STK17A: variants seen among roughly 807,000 people sequenced by gnomAD.
STK17A encodes serine/threonine kinase 17a, also known as serine/threonine-protein kinase 17A.
Under a neutral mutation model 43.7 loss-of-function variants are expected in STK17A, and 26 were observed. The observed-to-expected ratio is 0.60, with a 90% confidence interval of 0.44 to 0.83. The LOEUF (loss-of-function observed/expected upper bound fraction) is 0.83. Ranked by LOEUF, STK17A falls within the 40% of genes least tolerant of loss-of-function variation. The pLI, the probability that STK17A is intolerant of heterozygous loss-of-function variation, is 0.00. For synonymous variants in STK17A, 191 were observed against 182.5 expected, an observed-to-expected ratio of 1.05 and a Z score of -0.38; for missense variants, 476 against 511.6, an observed-to-expected ratio of 0.93 and a Z score of 0.67.
chr7:43,601,121 G>T (rs2082551763), intron 2 of STK17A, among the ~76,000 whole-genome samples: 1 of 152,060 alleles, frequency 6.6e-6, no homozygotes, highest in African/African-American at 2.4e-5. Flanking sequence ...GTTTAAAAAA[G>T]CATGTTACAA....
At chr7:43,617,209 C>T (rs1015452296) in intron 3 of STK17A, among the ~76,000 whole-genome samples, 1 of 152,076 alleles carries the variant, frequency 6.6e-6, no homozygotes, top group African/African-American at 2.4e-5. Context: ...AGGACATGCA[C>T]ACCATGCGAA....
chr7:43,592,652 C>T (rs1040661892), intron 1 of STK17A, among the ~76,000 whole-genome samples: 5 of 145,876 alleles, frequency 3.4e-5, no homozygotes, highest in Non-Finnish European at 6.0e-5. Context: ...GAGTTCGAGA[C>T]CAGCCTGGCA....
In STK17A at chr7:43,597,924, C is replaced by CA. The variant is rs1200928861; in HGVS notation, c.419+1817dup. The stretch of plus-strand genomic sequence containing the variant: ...TGGGTGACAGAGTGAGACTCTGTCT[C>CA]AAAAAACAAAAAAAATTTATTTACA... On this transcript the variant is annotated intron_variant, in intron 2 of 6. Transcript: ENST00000319357. 2.0e-5 allele frequency among the ~76,000 whole-genome samples: 3 copies of CA among 150,294 alleles called. No individual in the cohort carries two copies. The East Asian group carries it at 5.9e-4, about 29-fold the overall frequency.
chr7:43,588,395 T>G (rs935370599), intron 1 of STK17A, among the ~76,000 whole-genome samples: 1 of 151,606 alleles, frequency 6.6e-6, no homozygotes, highest in African/African-American at 2.4e-5. Flanking sequence ...AGCCAGAATT[T>G]AAAACCAAGT....
chr7:43,615,930 G>A (rs115043479), intron 3 of STK17A, among the ~76,000 whole-genome samples: 318 of 152,136 alleles, frequency 2.1e-3, no homozygotes, highest in African/African-American at 7.5e-3. Context: ...AAGATAACAT[G>A]CCCATGCACA....
intron 3 of STK17A, chr7:43,608,635 TATG>T: frequency 2.8e-6 from 1 of 360,078 alleles, no homozygotes; most frequent in Non-Finnish European, 4.9e-6. Flanking sequence ...GAACTCAAAA[TATG>T]ATAAGACAGA....
chr7:43,595,866 C>A, intron 1 of STK17A, 35 bp from the exon 2 acceptor site: 1 of 1,589,726 alleles, frequency 6.3e-7, no homozygotes, highest in South Asian at 1.1e-5. Context: ...GGAAAGTTGT[C>A]AACTTTAACA....
rs764459918 is a variant in STK17A at position 43,608,258 on chromosome 7, C to T, written c.422C>T (p.Ala141Val). The change falls in exon 3 of 7, where the codon GCT becomes GTT. Residue 141 changes from alanine (A) to valine (V), a missense_variant and splice_region_variant. Ala to Val is a moderately conservative substitution (Grantham distance 64, BLOSUM62 0). Coordinates refer to ENST00000319357, the MANE Select transcript of STK17A (RefSeq NM_004760.3). ...ACTTTAATTTTGCCCTTCTCTAGTG[C>T]TGCTGGGGGTGAAATCTTTGACCAG... The part of the protein sequence containing the change: ...ASEMILVLEY[A>V]AGGEIFDQCV... 2 of 1,610,698 alleles carry T rather than the reference C, an allele frequency of 1.2e-6. No homozygotes were observed. The highest frequency in any genetic ancestry group is 1.1e-5 in the South Asian group (1 of 90,036).
chr7:43,614,949 A>G (rs1310868471), intron 3 of STK17A, among the ~76,000 whole-genome samples: 2 of 152,242 alleles, frequency 1.3e-5, no homozygotes, highest in Non-Finnish European at 2.9e-5. Flanking sequence ...TTTTAAGGGA[A>G]CAAATGGTAT....
At chr7:43,606,567 T>TA (rs1027505820) in intron 2 of STK17A, among the ~76,000 whole-genome samples, 5 of 152,196 alleles carry the variant, frequency 3.3e-5, no homozygotes, top group African/African-American at 1.2e-4. Context: ...AATTTCCCAG[T>TA]AAAATTTTTT....
chr7:43,624,501 A>C lies in STK17A; in HGVS notation c.921-17A>C, dbSNP rs750914574. ...AAGTTCTAACATGTCTTAACTGTAA[A>C]ACATGTATCTTTACAGAGATCGAGC... On this transcript the variant is annotated splice_polypyrimidine_tract_variant and intron_variant, in intron 6 of 6. Coordinates refer to ENST00000319357, the MANE Select transcript of STK17A (RefSeq NM_004760.3). The C allele has an allele frequency of 6.3e-7, 1 of 1,586,674 alleles. No individual in the cohort carries two copies. The highest frequency in any genetic ancestry group is 1.1e-5 in the South Asian group (1 of 88,272).
At chr7:43,615,167 T>C (rs1299845929) in intron 3 of STK17A, among the ~76,000 whole-genome samples, 1 of 152,126 alleles carries the variant, frequency 6.6e-6, no homozygotes, top group Admixed American at 6.5e-5. Flanking sequence ...ATAGTTTTTG[T>C]TTTGTTTTTT....
At chr7:43,605,125 CT>C (rs1431893228) in intron 2 of STK17A, among the ~76,000 whole-genome samples, 1 of 152,166 alleles carries the variant, frequency 6.6e-6, no homozygotes, top group Non-Finnish European at 1.5e-5. Flanking sequence ...AGGTCCTTAT[CT>C]GCCAATTCCA....
chr7:43,610,603 G>T (rs2082774004), intron 3 of STK17A, among the ~76,000 whole-genome samples: 1 of 151,628 alleles, frequency 6.6e-6, no homozygotes, highest in Admixed American at 6.6e-5. Context: ...GGAGGTGGAG[G>T]TTGCAGTGAG....
At chr7:43,590,413 C>T (rs2082472438) in intron 1 of STK17A, among the ~76,000 whole-genome samples, 1 of 151,320 alleles carries the variant, frequency 6.6e-6, no homozygotes, top group South Asian at 2.1e-4. Flanking sequence ...GGAGCTCGGA[C>T]TGGTGGGTCT....
At chr7:43,602,197 G>A (rs553811831) in intron 2 of STK17A, among the ~76,000 whole-genome samples, 1 of 152,006 alleles carries the variant, frequency 6.6e-6, no homozygotes, top group African/African-American at 2.4e-5. Flanking sequence ...CCTAAGTTAT[G>A]TAACCTCTTC....
Position 43,593,170 on chromosome 7 carries a change from C to T in STK17A, c.207-2731C>T, listed in dbSNP as rs2082491374. On this transcript the variant is annotated intron_variant, in intron 1 of 6. Coordinates refer to ENST00000319357, the MANE Select transcript of STK17A (RefSeq NM_004760.3). ...AGTGAAAACAGGCAGTTTTTTACTT[C>T]CTGCTTGAGTCATCTCACTTAGGAT... Among the ~76,000 whole-genome samples the T allele has an allele frequency of 3.3e-5, 5 of 152,178 alleles. No homozygotes were observed. The South Asian group carries it at 8.3e-4, about 25-fold the overall frequency.
At chr7:43,596,706 C>T (rs1583550801) in intron 2 of STK17A, among the ~76,000 whole-genome samples, 1 of 151,570 alleles carries the variant, frequency 6.6e-6, no homozygotes. Flanking sequence ...GTCTCTACTA[C>T]AAATACAAAA....
At chr7:43,614,939 T>C (rs1026759895) in intron 3 of STK17A, among the ~76,000 whole-genome samples, 4 of 152,212 alleles carry the variant, frequency 2.6e-5, no homozygotes, top group Admixed American at 6.5e-5. Flanking sequence ...ATTTAAACTA[T>C]TTTAAGGGAA....
Sources: allele counts gnomAD v4.1 joint callset (sites outside exome capture counted in the v4.1 genomes callset), GRCh38; gene constraint gnomAD v4.1.1; transcripts MANE v1.5; gene names NCBI Gene and HGNC (gene_info 2026-07-23, HGNC 2026-07-21).